NR3C2: variants seen among roughly 807,000 people sequenced by gnomAD.
NR3C2 encodes nuclear receptor subfamily 3 group C member 2.
In NR3C2, 15 loss-of-function variants were observed where a neutral mutation model predicts 86.4. That is an observed-to-expected ratio of 0.17 (90% CI 0.12 to 0.27). The LOEUF is 0.27. Among genes scored for constraint, NR3C2 ranks in the 10% least tolerant of loss-of-function variants. The probability of loss-of-function intolerance (pLI) is 1.00; values close to 1 mark genes in which losing one functional copy is unlikely to be tolerated. For synonymous variants in NR3C2, 458 were observed against 450.5 expected (o/e 1.02, Z -0.21); for missense variants, 960 against 1,195.6 (o/e 0.80, Z 2.91).
chr4:148,162,634 G>C (rs1734712742), intron 4 of NR3C2, among the ~76,000 whole-genome samples: 1 of 152,212 alleles, frequency 6.6e-6, no homozygotes, highest in Non-Finnish European at 1.5e-5. Flanking sequence ...GGCCTGGCTG[G>C]TTTTGAATGA....
intron 6 of NR3C2, among the ~76,000 whole-genome samples, chr4:148,140,478 G>A (rs1187818205): frequency 6.6e-6 from 1 of 152,154 alleles, no homozygotes. Flanking sequence ...AGGCTGCAGT[G>A]AGCCGTTGTG....
rs1250070335 is a variant in NR3C2, at chr4:148,080,973, A to G, written c.*371T>C. The G allele has an allele frequency of 6.0e-6, 2 of 331,772 alleles. No individual in the cohort carries two copies. The highest frequency in any genetic ancestry group is 6.0e-6 in the Non-Finnish European group (1 of 167,728). The allele number at this position is 331,772 out of a possible 1,614,324, so 20.6% of individuals were successfully genotyped here. On this transcript the variant is annotated 3_prime_UTR_variant, in exon 9 of 9. Transcript: ENST00000358102. ...AAGGGTAAGCTTTAAAACGTTCGTT[A>G]GTCCTTGAACCCTTTTAAAACAAGC...
chr4:148,110,816 C>A (rs774946197), intron 8 of NR3C2, among the ~76,000 whole-genome samples: 2 of 152,094 alleles, frequency 1.3e-5, no homozygotes, highest in Non-Finnish European at 2.9e-5. Flanking sequence ...TTTGAAACAA[C>A]CAAAAGTTCT....
intron 3 of NR3C2, among the ~76,000 whole-genome samples, chr4:148,259,381 T>C (rs1739983424): frequency 1.3e-5 from 2 of 152,180 alleles, no homozygotes; most frequent in South Asian, 4.1e-4. Context: ...AGGAGTACGA[T>C]TTTGGGGCAG....
intron 6 of NR3C2, among the ~76,000 whole-genome samples, chr4:148,134,758 C>A (rs1169686053): frequency 6.7e-6 from 1 of 150,168 alleles, no homozygotes; most frequent in Non-Finnish European, 1.5e-5. Context: ...AAGTGATTCT[C>A]CTGCCTCAGC....
chr4:148,088,413 G>C (rs1234716058), intron 8 of NR3C2, among the ~76,000 whole-genome samples: 1 of 151,996 alleles, frequency 6.6e-6, no homozygotes, highest in African/African-American at 2.4e-5. Context: ...GACACATGCA[G>C]AGGTATGTTT....
At chr4:148,241,705 T>TATTTGCAAATTGTCTATTGTGGAAGAC (rs1739057590) in intron 3 of NR3C2, among the ~76,000 whole-genome samples, 1 of 152,180 alleles carries the variant, frequency 6.6e-6, no homozygotes, top group South Asian at 2.1e-4. Flanking sequence ...TTGTCTGTCT[T>TATTTGCAAATTGTCTATTGTGGAAGAC]CCTCACTAGA....
chr4:148,081,395 C>T lies in NR3C2; in HGVS notation c.2904G>A (p.Leu968=). The part of the protein sequence containing the change: ...AMLVEIISDQ[L]PKVESGNAKP... ...TGGCGTTCCCCGACTCCACCTTGGG[C>T]AGCTGGTCGCTGATGATCTCCACCA... Residue 968 remains leucine (L), a synonymous_variant, in exon 9 of 9, where the codon CTG becomes CTA. Transcript: ENST00000358102. 6.2e-7 allele frequency: 1 copy of T among 1,614,182 alleles called. No homozygotes were observed.
chr4:148,361,066 T>C (rs947332698), intron 2 of NR3C2, among the ~76,000 whole-genome samples: 3 of 152,186 alleles, frequency 2.0e-5, no homozygotes, highest in Non-Finnish European at 4.4e-5. Flanking sequence ...ACAAAGACCA[T>C]GTATTAATTA....
At chr4:148,359,608 A>G (rs887424231) in intron 2 of NR3C2, among the ~76,000 whole-genome samples, 2 of 152,158 alleles carry the variant, frequency 1.3e-5, no homozygotes. Context: ...GAGTTTAAAG[A>G]GTTTTGTTCT....
intron 2 of NR3C2, among the ~76,000 whole-genome samples, chr4:148,429,457 C>T (rs576818449): frequency 6.6e-6 from 1 of 152,268 alleles, no homozygotes; most frequent in South Asian, 2.1e-4. Context: ...CTGTTTCCTT[C>T]CTTAAACTAC....
At chr4:148,363,692 A>G (rs1484246489) in intron 2 of NR3C2, among the ~76,000 whole-genome samples, 1 of 151,730 alleles carries the variant, frequency 6.6e-6, no homozygotes, top group Non-Finnish European at 1.5e-5. Context: ...TTTAGTAGAG[A>G]TGGGGTTTAA....
intron 2 of NR3C2, among the ~76,000 whole-genome samples, chr4:148,387,686 T>C (rs1416576825): frequency 6.6e-6 from 1 of 152,174 alleles, no homozygotes; most frequent in Admixed American, 6.5e-5. Flanking sequence ...TCTCAACGCA[T>C]AAAGTGTTAA....
At chr4:148,090,039 T>C (rs1409819707) in intron 8 of NR3C2, among the ~76,000 whole-genome samples, 1 of 152,186 alleles carries the variant, frequency 6.6e-6, no homozygotes, top group Non-Finnish European at 1.5e-5. Flanking sequence ...AATTAAGCCT[T>C]GTTCTGGGGA....
chr4:148,140,187 C>T (rs900973117), intron 6 of NR3C2, among the ~76,000 whole-genome samples: 2 of 152,162 alleles, frequency 1.3e-5, no homozygotes, highest in African/African-American at 4.8e-5. Context: ...TAATTTTTCT[C>T]CATTTACCAA....
At chr4:148,315,169 T>C (rs1743104743) in intron 2 of NR3C2, among the ~76,000 whole-genome samples, 1 of 152,210 alleles carries the variant, frequency 6.6e-6, no homozygotes, top group Non-Finnish European at 1.5e-5. Flanking sequence ...TCAGCCACTT[T>C]GATCCGCCAG....
At chr4:148,423,508 A>C (rs1054257252) in intron 2 of NR3C2, among the ~76,000 whole-genome samples, 2 of 152,088 alleles carry the variant, frequency 1.3e-5, no homozygotes, top group African/African-American at 4.8e-5. Context: ...TTCCTTCTCT[A>C]ATCTTTGGTG....
chr4:148,412,836 CACACA>C (rs1748776606), intron 2 of NR3C2, among the ~76,000 whole-genome samples: 4 of 120,980 alleles, frequency 3.3e-5, no homozygotes, highest in African/African-American at 1.1e-4. Context: ...CACACACACA[CACACA>C]CCCCTTAGTT....
chr4:148,114,329 A>G, intron 7 of NR3C2, 68 bp from the exon 8 acceptor site: 3 of 1,542,780 alleles, frequency 1.9e-6, no homozygotes, highest in Non-Finnish European at 2.7e-6. Flanking sequence ...TGGCAGGTAA[A>G]GTCATATACT....
Sources: gnomAD v4.1 joint callset for allele counts (sites outside exome capture counted in the v4.1 genomes callset) on GRCh38, gnomAD v4.1.1 for gene constraint, MANE v1.5 for transcripts, NCBI Gene and HGNC (gene_info 2026-07-23, HGNC 2026-07-21) for gene names.